Variants in CFDP1 observed in about 807,000 individuals in gnomAD.
The protein encoded by CFDP1 is heterochromatin-stabilizing protein CFDP1.
In CFDP1, 31 loss-of-function variants were observed where a neutral mutation model predicts 40.1. The ratio of observed to expected loss-of-function variants is 0.77; its 90% CI spans 0.58 to 1.04. CFDP1 has a LOEUF of 1.04. Ranked by LOEUF, CFDP1 falls within the 50% of genes least tolerant of loss-of-function variation. CFDP1 has a pLI of 0.00. For missense variants in CFDP1, 423 were observed against 343.4 expected (o/e 1.23, Z -1.83); for synonymous variants, 167 against 120.0 (o/e 1.39, Z -2.56).
intron 5 of CFDP1, among the ~76,000 whole-genome samples, chr16:75,338,245 G>C (rs1376170146): frequency 6.6e-6 from 1 of 152,156 alleles, no homozygotes; most frequent in African/African-American, 2.4e-5. Context: ...GCATGGGGGG[G>C]AAAAAGAGCC....
chr16:75,393,773 A>AAAAAAAT (rs1567669532), intron 5 of CFDP1, among the ~76,000 whole-genome samples: 1 of 92,534 alleles, frequency 1.1e-5, no homozygotes, highest in African/African-American at 4.1e-5. Flanking sequence ...AAAAAAAAAA[A>AAAAAAAT]GTGGGGCCGG....
intron 1 of CFDP1, among the ~76,000 whole-genome samples, chr16:75,424,526 C>T (rs1371865857): frequency 6.6e-5 from 10 of 152,192 alleles, no homozygotes; most frequent in Admixed American, 2.0e-4. Flanking sequence ...GAGGCTGAGG[C>T]GGGCGGATCA....
At chr16:75,392,989 C>G (rs567446336) in intron 5 of CFDP1, among the ~76,000 whole-genome samples, 1 of 152,324 alleles carries the variant, frequency 6.6e-6, no homozygotes, top group African/African-American at 2.4e-5. Flanking sequence ...AAAGATGTAA[C>G]AGATGAGGAA....
chr16:75,309,832 A>AC (rs1389131838), intron 5 of CFDP1, among the ~76,000 whole-genome samples: 16 of 150,554 alleles, frequency 1.1e-4, no homozygotes, highest in Non-Finnish European at 2.2e-4. Flanking sequence ...AAAAAAAAAA[A>AC]AAAAAAAAAA....
chr16:75,428,548 C>T (rs1294904291), intron 1 of CFDP1, among the ~76,000 whole-genome samples: 1 of 151,650 alleles, frequency 6.6e-6, no homozygotes, highest in South Asian at 2.1e-4. Context: ...ACCCGGAAGG[C>T]GGAAGTTGCA....
chr16:75,371,180 G>A (rs966081096), intron 5 of CFDP1, among the ~76,000 whole-genome samples: 12 of 152,196 alleles, frequency 7.9e-5, no homozygotes, highest in African/African-American at 2.7e-4. Context: ...ACCGCAGGAT[G>A]TTTAGCAGCA....
At chr16:75,388,602 G>A (rs921624393) in intron 5 of CFDP1, among the ~76,000 whole-genome samples, 9 of 152,200 alleles carry the variant, frequency 5.9e-5, no homozygotes, top group Admixed American at 1.3e-4. Context: ...CATTTCTCAA[G>A]AAAAGCCAGT....
intron 5 of CFDP1, among the ~76,000 whole-genome samples, chr16:75,314,289 C>A (rs1281612622): frequency 6.6e-6 from 1 of 152,096 alleles, no homozygotes; most frequent in South Asian, 2.1e-4. Flanking sequence ...AAAAGGAATA[C>A]CAATACATGG....
chr16:75,300,445 G>A (rs1005839634), intron 6 of CFDP1, among the ~76,000 whole-genome samples: 2 of 152,054 alleles, frequency 1.3e-5, no homozygotes, highest in Admixed American at 6.5e-5. Context: ...CCACCACCAC[G>A]CCCGGCTAAT....
At chr16:75,309,982 T>G (rs1407421156) in intron 5 of CFDP1, among the ~76,000 whole-genome samples, 1 of 152,206 alleles carries the variant, frequency 6.6e-6, no homozygotes, top group Non-Finnish European at 1.5e-5. Flanking sequence ...AAGAGACTCC[T>G]CACCCACCTG....
chr16:75,307,936 A>G (rs573986388), intron 5 of CFDP1, among the ~76,000 whole-genome samples: 1 of 152,262 alleles, frequency 6.6e-6, no homozygotes, highest in South Asian at 2.1e-4. Flanking sequence ...TGGTATTTCT[A>G]TCATACCAGT....
intron 4 of CFDP1, among the ~76,000 whole-genome samples, chr16:75,407,408 G>A (rs2079110074): frequency 6.6e-6 from 1 of 151,832 alleles, no homozygotes; most frequent in Admixed American, 6.6e-5. Flanking sequence ...TGGGTGTGGT[G>A]GCTCATACTT....
At chr16:75,317,914 C>T (rs2078334432) in intron 5 of CFDP1, among the ~76,000 whole-genome samples, 1 of 151,914 alleles carries the variant, frequency 6.6e-6, no homozygotes, top group Non-Finnish European at 1.5e-5. Flanking sequence ...AGTTCGAGAC[C>T]AGTCTGGCCA....
At chr16:75,304,957 C>G (rs3743607) in intron 6 of CFDP1, 67 bp downstream of exon 6, 2 of 1,521,334 alleles carry the variant, frequency 1.3e-6, no homozygotes, top group Non-Finnish European at 1.8e-6. Flanking sequence ...GGCAGTTTGT[C>G]TCCAATAAAT....
intron 5 of CFDP1, among the ~76,000 whole-genome samples, chr16:75,374,047 G>A (rs1166631778): frequency 6.6e-6 from 1 of 152,044 alleles, no homozygotes; most frequent in African/African-American, 2.4e-5. Flanking sequence ...GAGGTAAGGA[G>A]TTCAAGACAA....
At chr16:75,417,079 G>A (rs1290784234) in intron 1 of CFDP1, among the ~76,000 whole-genome samples, 1 of 152,020 alleles carries the variant, frequency 6.6e-6, no homozygotes, top group Non-Finnish European at 1.5e-5. Context: ...AGGCTAAGGG[G>A]AGGATCACTT....
intron 6 of CFDP1, among the ~76,000 whole-genome samples, chr16:75,303,651 A>T (rs749253623): frequency 1.3e-5 from 2 of 152,164 alleles, no homozygotes; most frequent in Non-Finnish European, 2.9e-5. Context: ...CAACATAGTG[A>T]GACCCTGTCT....
intron 5 of CFDP1, among the ~76,000 whole-genome samples, chr16:75,316,638 C>T (rs990628827): frequency 6.7e-6 from 1 of 150,140 alleles, no homozygotes; most frequent in African/African-American, 2.5e-5. Flanking sequence ...AGGAAATCCC[C>T]AAAGGAGAGT....
At chr16:75,346,949 T>C (rs930391121) in intron 5 of CFDP1, among the ~76,000 whole-genome samples, 8 of 152,012 alleles carry the variant, frequency 5.3e-5, no homozygotes, top group African/African-American at 1.9e-4. Flanking sequence ...TGACAGCAAG[T>C]AGTTGGTGTC....
Sources: gnomAD v4.1 joint callset for allele counts (sites outside exome capture counted in the v4.1 genomes callset) on GRCh38, gnomAD v4.1.1 for gene constraint, MANE v1.5 for transcripts, NCBI Gene and HGNC (gene_info 2026-07-23, HGNC 2026-07-21) for gene names.